CSMD1: variants seen among roughly 807,000 people sequenced by gnomAD.
CSMD1 encodes the protein CUB and sushi domain-containing protein 1.
A neutral mutation model predicts 417.5 loss-of-function variants in CSMD1; 213 were observed. That is an observed-to-expected ratio of 0.51 (90% CI 0.46 to 0.57). The LOEUF (loss-of-function observed/expected upper bound fraction) is 0.57, where lower values mean the gene tolerates loss of function less well. CSMD1 is among the 20% of genes least tolerant of loss of function. CSMD1 has a pLI of 0.00. For synonymous variants in CSMD1, 2,862 were observed against 1,736.8 expected (o/e 1.65, Z -16.11); for missense variants, 6,923 against 4,529.7 (o/e 1.53, Z -15.17).
chr8:3,491,500 C>T (rs151266195), intron 11 of CSMD1, among the ~76,000 whole-genome samples: 87 of 152,250 alleles, frequency 5.7e-4, no homozygotes, highest in African/African-American at 2.0e-3. Context: ...AAGTTGTGGT[C>T]CAGCAACATG....
At chr8:3,235,168 T>A (rs946700736) in intron 26 of CSMD1, among the ~76,000 whole-genome samples, 1 of 152,212 alleles carries the variant, frequency 6.6e-6, no homozygotes. Flanking sequence ...TCGCAACATT[T>A]ATACAATGAA....
intron 3 of CSMD1, among the ~76,000 whole-genome samples, chr8:4,406,054 C>G (rs1043598699): frequency 2.0e-5 from 3 of 152,136 alleles, no homozygotes; most frequent in Non-Finnish European, 2.9e-5. Flanking sequence ...GGAAACAATG[C>G]CAGCAACTTT....
intron 12 of CSMD1, among the ~76,000 whole-genome samples, chr8:3,423,427 G>A (rs1186298586): frequency 1.3e-5 from 2 of 152,148 alleles, no homozygotes; most frequent in Non-Finnish European, 2.9e-5. Context: ...GAATCATAGG[G>A]TACACACATT....
chr8:4,437,932 A>C (rs547232264), intron 2 of CSMD1, among the ~76,000 whole-genome samples: 5 of 152,300 alleles, frequency 3.3e-5, no homozygotes, highest in African/African-American at 1.2e-4. Flanking sequence ...CAACCTGCTT[A>C]AAGTAATTCT....
At chr8:3,631,536 C>T (rs1421677935) in intron 7 of CSMD1, among the ~76,000 whole-genome samples, 9 of 152,106 alleles carry the variant, frequency 5.9e-5, no homozygotes, top group African/African-American at 1.7e-4. Context: ...GGAAAATGTT[C>T]CAAAATAGAA....
At chr8:3,622,456 T>C (rs558853932) in intron 7 of CSMD1, among the ~76,000 whole-genome samples, 1 of 152,350 alleles carries the variant, frequency 6.6e-6, no homozygotes, top group Admixed American at 6.5e-5. Context: ...TTTCTATTTT[T>C]CTCACAAGGA....
At chr8:3,192,343 CAT>C (rs1796474860) in intron 33 of CSMD1, among the ~76,000 whole-genome samples, 1 of 152,150 alleles carries the variant, frequency 6.6e-6, no homozygotes, top group Non-Finnish European at 1.5e-5. Flanking sequence ...GGAATATTTG[CAT>C]AAACATAATG....
intron 1 of CSMD1, among the ~76,000 whole-genome samples, chr8:4,868,276 C>T (rs1802532888): frequency 6.6e-6 from 1 of 152,082 alleles, no homozygotes; most frequent in Non-Finnish European, 1.5e-5. Flanking sequence ...CACTTTCACC[C>T]AGGCTGGAGA....
At chr8:3,459,064 C>A (rs115427178) in intron 12 of CSMD1, among the ~76,000 whole-genome samples, 1 of 152,150 alleles carries the variant, frequency 6.6e-6, no homozygotes, top group Non-Finnish European at 1.5e-5. Flanking sequence ...GCGGCATGAG[C>A]GCCAGTGTGG....
intron 10 of CSMD1, among the ~76,000 whole-genome samples, chr8:3,524,043 A>G (rs577520361): frequency 6.7e-6 from 1 of 149,128 alleles, no homozygotes; most frequent in East Asian, 2.0e-4. Context: ...ATGCACACCC[A>G]GAGACACGTG....
intron 11 of CSMD1, among the ~76,000 whole-genome samples, chr8:3,484,591 T>C (rs1817920933): frequency 6.6e-6 from 1 of 152,164 alleles, no homozygotes; most frequent in Admixed American, 6.5e-5. Context: ...TAAACTAGAC[T>C]TCATCAAAAT....
intron 9 of CSMD1, among the ~76,000 whole-genome samples, chr8:3,585,422 C>A (rs1251100172): frequency 6.6e-6 from 1 of 151,998 alleles, no homozygotes; most frequent in African/African-American, 2.4e-5. Context: ...CATTTTATGG[C>A]CAAAATTCAA....
chr8:4,061,144 C>G (rs911134186), intron 3 of CSMD1, among the ~76,000 whole-genome samples: 15 of 152,088 alleles, frequency 9.9e-5, no homozygotes, highest in Admixed American at 9.2e-4. Flanking sequence ...TCATCTCATC[C>G]CCATCCTTGC....
chr8:4,042,731 G>A (rs142777218), intron 3 of CSMD1, among the ~76,000 whole-genome samples: 1 of 147,784 alleles, frequency 6.8e-6, no homozygotes, highest in Non-Finnish European at 1.5e-5. Context: ...AGAAATGACA[G>A]CAATACCACA....
At chr8:3,078,091 T>C (rs747674541) in intron 49 of CSMD1, among the ~76,000 whole-genome samples, 2 of 152,238 alleles carry the variant, frequency 1.3e-5, no homozygotes, top group African/African-American at 2.4e-5. Flanking sequence ...CATTATAGCA[T>C]TTTTAAAATG....
chr8:4,093,473 T>C (rs912920056), intron 3 of CSMD1, among the ~76,000 whole-genome samples: 32 of 152,310 alleles, frequency 2.1e-4, no homozygotes, highest in South Asian at 1.2e-3. Context: ...AGATATTAAA[T>C]AGAAGTTACA....
At chr8:4,690,101 T>C (rs1320280403) in intron 1 of CSMD1, among the ~76,000 whole-genome samples, 1 of 152,226 alleles carries the variant, frequency 6.6e-6, no homozygotes, top group Non-Finnish European at 1.5e-5. Flanking sequence ...TAATTTGTTT[T>C]TCTATTTCAA....
At chr8:3,439,008 G>A (rs1245236102) in intron 12 of CSMD1, among the ~76,000 whole-genome samples, 1 of 150,114 alleles carries the variant, frequency 6.7e-6, no homozygotes, top group Non-Finnish European at 1.5e-5. Context: ...CCAAATCCCA[G>A]CTACCCAGGA....
chr8:3,607,422 G>C (rs758179260), intron 8 of CSMD1, among the ~76,000 whole-genome samples: 1 of 152,204 alleles, frequency 6.6e-6, no homozygotes, highest in Non-Finnish European at 1.5e-5. Context: ...ACAGTAGAAA[G>C]TATACCATTG....
Sources: allele counts gnomAD v4.1 joint callset (sites outside exome capture counted in the v4.1 genomes callset), GRCh38; gene constraint gnomAD v4.1.1; transcripts MANE v1.5; gene names NCBI Gene and HGNC (gene_info 2026-07-23, HGNC 2026-07-21).